ANKRD30BL: variants seen among roughly 807,000 people sequenced by gnomAD.
ANKRD30BL encodes ankyrin repeat domain 30B like.
Under a neutral mutation model 18.4 loss-of-function variants are expected in ANKRD30BL, and 20 were observed. The observed-to-expected ratio is 1.09, with a 90% CI of 0.77 to 1.58. The LOEUF (loss-of-function observed/expected upper bound fraction) is 1.58, where lower values mean the gene tolerates loss of function less well. Ranked by LOEUF, ANKRD30BL falls within the 40% of genes most tolerant of loss-of-function variation. The pLI is 0.00. For missense variants in ANKRD30BL, 224 were observed against 268.6 expected (o/e 0.83, Z 1.16); for synonymous variants, 72 against 100.9 (o/e 0.71, Z 1.72).
At chr2:132,169,644 T>TA (rs60507906) in intron 1 of ANKRD30BL, among the ~76,000 whole-genome samples, 12,947 of 90,518 alleles carry the variant, frequency 0.14, 1,303 homozygotes, top group East Asian at 0.44. Flanking sequence ...ATACTCTGTC[T>TA]AAAAAAAAAA....
chr2:132,172,793 C>T (rs539308418), intron 1 of ANKRD30BL, among the ~76,000 whole-genome samples: 21 of 152,014 alleles, frequency 1.4e-4, no homozygotes, highest in African/African-American at 5.1e-4. Flanking sequence ...CTGAAACCTC[C>T]GCCTCCCAGG....
intron 1 of ANKRD30BL, among the ~76,000 whole-genome samples, chr2:132,196,547 G>C (rs1452988975): frequency 2.0e-5 from 3 of 152,224 alleles, no homozygotes; most frequent in Non-Finnish European, 4.4e-5. Flanking sequence ...CAGCACTTTG[G>C]TAGGCTGAGG....
chr2:132,241,708 AT>A (rs1275115392), intron 1 of ANKRD30BL, among the ~76,000 whole-genome samples: 2 of 151,796 alleles, frequency 1.3e-5, no homozygotes, highest in African/African-American at 4.8e-5. Context: ...TCACAGAAGC[AT>A]TCTGAGAAAC....
intron 1 of ANKRD30BL, among the ~76,000 whole-genome samples, chr2:132,202,077 G>T (rs910052247): frequency 3.9e-5 from 6 of 152,068 alleles, no homozygotes; most frequent in Admixed American, 3.9e-4. Context: ...TCACTCATAG[G>T]TGGGAATTGA....
intron 1 of ANKRD30BL, among the ~76,000 whole-genome samples, chr2:132,225,883 G>T (rs200992482): frequency 6.6e-6 from 1 of 151,768 alleles, no homozygotes; most frequent in Non-Finnish European, 1.5e-5. Context: ...TTGTGATAGT[G>T]ATGTGTGCAT....
At chr2:132,171,788 A>G (rs1439048024) in intron 1 of ANKRD30BL, among the ~76,000 whole-genome samples, 3 of 152,208 alleles carry the variant, frequency 2.0e-5, no homozygotes, top group Non-Finnish European at 2.9e-5. Context: ...AGGACATTAC[A>G]TTCACCAAAT....
chr2:132,168,047 T>C (rs897437033), intron 1 of ANKRD30BL, among the ~76,000 whole-genome samples: 4 of 152,214 alleles, frequency 2.6e-5, no homozygotes, highest in Admixed American at 6.5e-5. Context: ...CTCACTTGCA[T>C]CATTTTCTCT....
intron 1 of ANKRD30BL, among the ~76,000 whole-genome samples, chr2:132,253,932 G>A (rs538827940): frequency 7.2e-5 from 11 of 152,030 alleles, no homozygotes; most frequent in Admixed American, 2.6e-4. Flanking sequence ...CAGCGGCAGC[G>A]ATGGGAACCT....
At chr2:132,158,860 A>T (rs2104928405) in intron 1 of ANKRD30BL, among the ~76,000 whole-genome samples, 1 of 151,746 alleles carries the variant, frequency 6.6e-6, no homozygotes, top group South Asian at 2.1e-4. Flanking sequence ...AGGTAAAAAG[A>T]TTGTCTTTTG....
chr2:132,198,048 A>T (rs1343170455), intron 1 of ANKRD30BL, among the ~76,000 whole-genome samples: 1 of 151,930 alleles, frequency 6.6e-6, no homozygotes, highest in South Asian at 2.1e-4. Flanking sequence ...TCTGATTCTC[A>T]TTTCTCTAGT....
chr2:132,252,998 C>A (rs967910451), intron 1 of ANKRD30BL, among the ~76,000 whole-genome samples: 2 of 152,016 alleles, frequency 1.3e-5, no homozygotes, highest in African/African-American at 4.8e-5. Flanking sequence ...TACACAGGGC[C>A]GCAGGGGGAG....
chr2:132,149,537 C>A (rs1288304839), intron 5 of ANKRD30BL, among the ~76,000 whole-genome samples: 1 of 152,156 alleles, frequency 6.6e-6, no homozygotes, highest in East Asian at 1.9e-4. Context: ...AAATAATCTC[C>A]TACTGGTACT....
At chr2:132,254,771 G>A (rs1455448569) in intron 1 of ANKRD30BL, among the ~76,000 whole-genome samples, 1 of 151,914 alleles carries the variant, frequency 6.6e-6, no homozygotes, top group Non-Finnish European at 1.5e-5. Flanking sequence ...CTAAGAAGTT[G>A]GGGGATGCCG....
At chr2:132,236,975 G>A (rs1410834014) in intron 1 of ANKRD30BL, among the ~76,000 whole-genome samples, 3 of 151,732 alleles carry the variant, frequency 2.0e-5, no homozygotes, top group Admixed American at 6.6e-5. Flanking sequence ...GTCCTTTGTA[G>A]GGACATGGAT....
chr2:132,161,995 G>C (rs529486237), upstream of ANKRD30BL: 699 of 318,082 alleles, frequency 2.2e-3, 3 homozygotes, highest in African/African-American at 0.014. Flanking sequence ...GGAGACACGC[G>C]AGGCAGGAAA....
intron 1 of ANKRD30BL, among the ~76,000 whole-genome samples, chr2:132,193,685 G>T (rs1573829465): frequency 6.6e-6 from 1 of 152,080 alleles, no homozygotes; most frequent in East Asian, 1.9e-4. Flanking sequence ...GAATGCAGGG[G>T]GCACCATCTT....
intron 1 of ANKRD30BL, among the ~76,000 whole-genome samples, chr2:132,175,137 G>A (rs1323445787): frequency 1.3e-5 from 2 of 152,120 alleles, no homozygotes; most frequent in Non-Finnish European, 2.9e-5. Context: ...TGGGCCCAGG[G>A]GACTGGCGCT....
intron 1 of ANKRD30BL, among the ~76,000 whole-genome samples, chr2:132,205,041 G>A (rs915087891): frequency 6.6e-6 from 1 of 152,228 alleles, no homozygotes; most frequent in Admixed American, 6.5e-5. Context: ...CCAAAGTGCT[G>A]TGGGAATTTT....
At position 132,152,164 on chromosome 2, in the gene ANKRD30BL, T is replaced by A. The variant is rs199725698; in HGVS notation, c.615-1188A>T. 3 of 152,358 alleles carry A rather than the reference T, an allele frequency of 2.0e-5. No homozygotes were observed. In the South Asian group the frequency reaches 6.2e-4, roughly 32 times the overall value. 9.4% of individuals were successfully genotyped at this position (152,358 alleles called of 1,614,324 possible). A position where few individuals can be genotyped will look rare whatever the true frequency, so the allele number is the denominator to read the frequency against. On this transcript the variant is annotated intron_variant, in intron 4 of 5. Coordinates refer to ENST00000409867, the MANE Select transcript of ANKRD30BL (RefSeq NM_001358416.1). ...TGAAAATCACAATTGCAATACTGGGTGTCACCCATTTTGCTTTGACTCACA... is the reference window on the plus strand; with the variant it reads ...TGAAAATCACAATTGCAATACTGGGAGTCACCCATTTTGCTTTGACTCACA...
Sources: gnomAD v4.1 joint callset for allele counts (sites outside exome capture counted in the v4.1 genomes callset) on GRCh38, gnomAD v4.1.1 for gene constraint, MANE v1.5 for transcripts, NCBI Gene and HGNC (gene_info 2026-07-23, HGNC 2026-07-21) for gene names.